Variants in ABCC4 observed in about 807,000 individuals in gnomAD.
The protein encoded by ABCC4 is ATP binding cassette subfamily C member 4 (PEL blood group).
ABCC4 carries 102 observed loss-of-function variants against 168.5 expected under a neutral mutation model. The observed-to-expected ratio is 0.61, with a 90% CI of 0.52 to 0.71. ABCC4 has a LOEUF of 0.71. Ranked by LOEUF, ABCC4 falls within the 30% of genes least tolerant of loss-of-function variation. The pLI is 0.00. For synonymous variants in ABCC4, 617 were observed against 590.7 expected, an observed-to-expected ratio of 1.04 and a Z score of -0.65; for missense variants, 1,402 against 1,605.8, an observed-to-expected ratio of 0.87 and a Z score of 2.17.
At chr13:95,259,937 A>G (rs570786284) in intron 1 of ABCC4, among the ~76,000 whole-genome samples, 8 of 152,068 alleles carry the variant, frequency 5.3e-5, no homozygotes, top group African/African-American at 1.9e-4. Context: ...AGGGATCAAC[A>G]TCCCAGCTCA....
At chr13:95,191,609 T>C (rs902026702) in intron 9 of ABCC4, among the ~76,000 whole-genome samples, 2 of 152,240 alleles carry the variant, frequency 1.3e-5, no homozygotes, top group Non-Finnish European at 1.5e-5. Flanking sequence ...CCTTACTATA[T>C]AAGGTGTTCC....
chr13:95,168,861 TCGAGTCCTAAA>T (rs897667019), intron 14 of ABCC4, among the ~76,000 whole-genome samples: 2 of 152,202 alleles, frequency 1.3e-5, no homozygotes, highest in African/African-American at 4.8e-5. Flanking sequence ...AAAGATATGT[TCGAGTCCTAAA>T]TCCTGTTACC....
intron 19 of ABCC4, among the ~76,000 whole-genome samples, chr13:95,123,689 T>C (rs909922269): frequency 6.6e-6 from 1 of 152,082 alleles, no homozygotes; most frequent in Non-Finnish European, 1.5e-5. Flanking sequence ...ATCACACTGG[T>C]AGCAGGTTAA....
At chr13:95,133,858 G>A (rs2036056759) in intron 19 of ABCC4, among the ~76,000 whole-genome samples, 1 of 152,166 alleles carries the variant, frequency 6.6e-6, no homozygotes, top group Admixed American at 6.5e-5. Context: ...AGCATTGGGT[G>A]ACCCTTAGAA....
At chr13:95,042,216 A>G (rs1222123877) in intron 29 of ABCC4, among the ~76,000 whole-genome samples, 1 of 152,202 alleles carries the variant, frequency 6.6e-6, no homozygotes, top group Non-Finnish European at 1.5e-5. Context: ...TCATTCATCC[A>G]GATAGTCAGG....
chr13:95,224,700 G>A (rs1489822849), intron 4 of ABCC4, among the ~76,000 whole-genome samples: 1 of 151,530 alleles, frequency 6.6e-6, no homozygotes, highest in Non-Finnish European at 1.5e-5. Context: ...TTGTGCCACT[G>A]CACTCCAGTC....
intron 1 of ABCC4, among the ~76,000 whole-genome samples, chr13:95,288,205 C>T (rs1246455335): frequency 1.3e-5 from 2 of 152,104 alleles, no homozygotes; most frequent in African/African-American, 4.8e-5. Context: ...CTAATATATA[C>T]AAGATCATGG....
chr13:95,027,106 G>A (rs572356150), intron 30 of ABCC4, among the ~76,000 whole-genome samples: 1 of 152,212 alleles, frequency 6.6e-6, no homozygotes, highest in South Asian at 2.1e-4. Context: ...TGCAGAACGT[G>A]CAGGTTTGTC....
intron 2 of ABCC4, 77 bp downstream of exon 2, chr13:95,247,566 C>G (rs534546977): frequency 8.9e-7 from 1 of 1,121,952 alleles, no homozygotes. Flanking sequence ...CCAGACAGGA[C>G]CCAGGAAGGC....
intron 1 of ABCC4, among the ~76,000 whole-genome samples, chr13:95,294,048 AAAT>A (rs759079442): frequency 5.3e-5 from 8 of 152,196 alleles, no homozygotes; most frequent in Non-Finnish European, 1.0e-4. Context: ...TGTATCGTGC[AAAT>A]AATGCTAGCT....
chr13:95,246,300 T>C (rs2040104124), intron 3 of ABCC4, among the ~76,000 whole-genome samples: 1 of 152,220 alleles, frequency 6.6e-6, no homozygotes, highest in Non-Finnish European at 1.5e-5. Flanking sequence ...ATGAATCCCC[T>C]TGGGTGCACA....
chr13:95,132,354 T>C (rs919610162), intron 19 of ABCC4, among the ~76,000 whole-genome samples: 10 of 152,106 alleles, frequency 6.6e-5, no homozygotes, highest in Admixed American at 2.0e-4. Flanking sequence ...TAGCTGGAAT[T>C]ATAGGCATGC....
chr13:95,195,134 A>T (rs752979138), intron 8 of ABCC4, among the ~76,000 whole-genome samples, 197 bp from the exon 9 acceptor site: 2 of 152,206 alleles, frequency 1.3e-5, no homozygotes, highest in Non-Finnish European at 2.9e-5. Flanking sequence ...GTTCATGGCC[A>T]TGAACTATCT....
intron 14 of ABCC4, among the ~76,000 whole-genome samples, chr13:95,167,805 G>T (rs2037333727): frequency 6.6e-6 from 1 of 152,110 alleles, no homozygotes; most frequent in South Asian, 2.1e-4. Flanking sequence ...TTAGGGAAGG[G>T]GCTGGGTCGA....
intron 4 of ABCC4, among the ~76,000 whole-genome samples, chr13:95,223,763 A>C (rs2039372558): frequency 6.6e-6 from 1 of 152,166 alleles, no homozygotes; most frequent in Non-Finnish European, 1.5e-5. Context: ...TGGCCTCCCA[A>C]AGTGTTGGGA....
intron 1 of ABCC4, among the ~76,000 whole-genome samples, chr13:95,284,167 T>C (rs2041200265): frequency 6.6e-6 from 1 of 152,104 alleles, no homozygotes; most frequent in Non-Finnish European, 1.5e-5. Context: ...GTTTTGGTTT[T>C]GTTTGAGATT....
chr13:95,286,224 A>G (rs1375357920), intron 1 of ABCC4, among the ~76,000 whole-genome samples: 1 of 144,004 alleles, frequency 6.9e-6, no homozygotes, highest in Non-Finnish European at 1.5e-5. Flanking sequence ...GGTTCAAGCG[A>G]TTCTCCTGTC....
chr13:95,148,637 C>CACAA (rs1327044217), intron 19 of ABCC4, among the ~76,000 whole-genome samples: 12 of 142,984 alleles, frequency 8.4e-5, no homozygotes, highest in Admixed American at 2.1e-4. Context: ...CACACACACA[C>CACAA]AATCAATGCT....
In ABCC4 at chr13:95,188,647, C is replaced by A. The variant is rs1051428747; in HGVS notation, c.1264-105G>T. 21 of 839,998 alleles carry A rather than the reference C, an allele frequency of 2.5e-5. No individual in the cohort carries two copies. The East Asian group carries it at 5.6e-4, about 22-fold the overall frequency. 52.0% of individuals were successfully genotyped at this position (839,998 alleles called of 1,614,324 possible). A position where few individuals can be genotyped will look rare whatever the true frequency, so the allele number is the denominator to read the frequency against. ...ACAGTCATTGATACATGAACATAAC[C>A]CAAATCTTTCTCCTTCCTATTTTAA... On this transcript the variant is annotated intron_variant, in intron 9 of 30. Coordinates refer to ENST00000645237, the MANE Select transcript of ABCC4 (RefSeq NM_005845.5).
Sources: gnomAD v4.1 joint callset for allele counts (sites outside exome capture counted in the v4.1 genomes callset) on GRCh38, gnomAD v4.1.1 for gene constraint, MANE v1.5 for transcripts, NCBI Gene and HGNC (gene_info 2026-07-23, HGNC 2026-07-21) for gene names.